The following MALRD1 variants were observed in gnomAD, a reference collection of about 807,000 sequenced individuals.
The protein encoded by MALRD1 is MAM and LDL-receptor class A domain-containing protein 1.
In MALRD1, 247 loss-of-function variants were observed where a neutral mutation model predicts 242.1. That is an observed-to-expected ratio of 1.02 (90% CI 0.92 to 1.13). The LOEUF (loss-of-function observed/expected upper bound fraction) is 1.13, where lower values mean the gene tolerates loss of function less well. Among genes scored for constraint, MALRD1 ranks in the 50% most tolerant of loss-of-function variants. The probability of loss-of-function intolerance (pLI) is 0.00; values close to 1 mark genes in which losing one functional copy is unlikely to be tolerated. For synonymous variants in MALRD1, 995 were observed against 866.6 expected, an observed-to-expected ratio of 1.15 and a Z score of -2.60; for missense variants, 2,989 against 2,533.1, an observed-to-expected ratio of 1.18 and a Z score of -3.86.
chr10:19,332,090 T>A (rs1457402947), intron 24 of MALRD1, among the ~76,000 whole-genome samples: 1 of 152,136 alleles, frequency 6.6e-6, no homozygotes, highest in African/African-American at 2.4e-5. Flanking sequence ...GGTCTTGATC[T>A]CTGGACCTCA....
intron 13 of MALRD1, among the ~76,000 whole-genome samples, chr10:19,169,872 G>A (rs1342599589): frequency 2.0e-5 from 3 of 152,102 alleles, no homozygotes; most frequent in East Asian, 1.9e-4. Context: ...TCAGTTCCAC[G>A]TGTCTAAGCT....
intron 26 of MALRD1, among the ~76,000 whole-genome samples, chr10:19,373,248 G>C (rs10734015): frequency 0.78 from 112,970 of 145,340 alleles, 44,507 homozygotes; most frequent in African/African-American, 0.88. Flanking sequence ...TGGCTCATGC[G>C]TGTAATCCCA....
chr10:19,243,795 C>G (rs1838916292), intron 18 of MALRD1, among the ~76,000 whole-genome samples: 2 of 152,092 alleles, frequency 1.3e-5, no homozygotes, highest in African/African-American at 2.4e-5. Context: ...AAGCTTGGGT[C>G]TGCTTCTTCA....
chr10:19,584,147 C>G (rs1386445488), intron 33 of MALRD1, among the ~76,000 whole-genome samples: 1 of 150,812 alleles, frequency 6.6e-6, no homozygotes, highest in Non-Finnish European at 1.5e-5. Context: ...AGCGGTCTAT[C>G]AATTTTGTTG....
At chr10:19,510,223 A>C (rs1833333371) in intron 31 of MALRD1, among the ~76,000 whole-genome samples, 1 of 152,200 alleles carries the variant, frequency 6.6e-6, no homozygotes, top group South Asian at 2.1e-4. Context: ...TGGAATATAC[A>C]ATCGAGTTTT....
intron 31 of MALRD1, among the ~76,000 whole-genome samples, chr10:19,502,764 A>G (rs1838033894): frequency 6.6e-6 from 1 of 152,224 alleles, no homozygotes; most frequent in Non-Finnish European, 1.5e-5. Flanking sequence ...TGAAAACTAC[A>G]GAGCATGTCT....
intron 36 of MALRD1, among the ~76,000 whole-genome samples, chr10:19,688,100 G>T (rs952351148): frequency 2.6e-5 from 4 of 152,022 alleles, no homozygotes; most frequent in Non-Finnish European, 5.9e-5. Context: ...CTCCCACGTC[G>T]CTGGGATTAC....
chr10:19,315,716 T>C (rs1315098888), intron 21 of MALRD1, among the ~76,000 whole-genome samples: 2 of 136,276 alleles, frequency 1.5e-5, no homozygotes, highest in Non-Finnish European at 3.1e-5. Context: ...TTTAATTATA[T>C]ATTGCATATT....
At chr10:19,317,849 ATC>A (rs934181543) in intron 21 of MALRD1, among the ~76,000 whole-genome samples, 6 of 152,030 alleles carry the variant, frequency 3.9e-5, no homozygotes, top group Non-Finnish European at 8.8e-5. Context: ...TATAAATCAG[ATC>A]TCTTTTTATG....
chr10:19,387,875 G>C, intron 27 of MALRD1, 102 bp downstream of exon 27: 1 of 1,373,326 alleles, frequency 7.3e-7, no homozygotes, highest in Non-Finnish European at 9.7e-7. Context: ...AGACCACCAC[G>C]ATGGTATTGC....
chr10:19,141,135 C>G (rs1254387347), intron 10 of MALRD1, among the ~76,000 whole-genome samples: 1 of 152,078 alleles, frequency 6.6e-6, no homozygotes, highest in Non-Finnish European at 1.5e-5. Flanking sequence ...AAATCTCTAT[C>G]AAAATAATTA....
chr10:19,189,457 T>C (rs888584929), intron 14 of MALRD1, among the ~76,000 whole-genome samples: 2 of 152,132 alleles, frequency 1.3e-5, no homozygotes, highest in African/African-American at 2.4e-5. Context: ...TTCTAACTTA[T>C]TCAATGAGGC....
chr10:19,318,309 C>T (rs562947067), intron 21 of MALRD1, among the ~76,000 whole-genome samples: 2 of 151,996 alleles, frequency 1.3e-5, no homozygotes, highest in South Asian at 2.1e-4. Context: ...TTGATAAAAA[C>T]ACAAATGCAG....
chr10:19,194,488 A>G (rs1173656957), intron 14 of MALRD1, among the ~76,000 whole-genome samples: 1 of 152,048 alleles, frequency 6.6e-6, no homozygotes, highest in Non-Finnish European at 1.5e-5. Context: ...CAGTTTCTAA[A>G]ATACAATTTC....
At chr10:19,095,941 T>G (rs10218990) in intron 4 of MALRD1, among the ~76,000 whole-genome samples, 82,395 of 151,922 alleles carry the variant, frequency 0.54, 22,498 homozygotes, top group Middle Eastern at 0.6. Flanking sequence ...TTCTTGCAGA[T>G]ATTTAATAAG....
chr10:19,563,064 C>T (rs1237481333), intron 32 of MALRD1, among the ~76,000 whole-genome samples: 1 of 152,116 alleles, frequency 6.6e-6, no homozygotes, highest in East Asian at 1.9e-4. Flanking sequence ...TCAATGATTT[C>T]CAGTTCCTTA....
intron 24 of MALRD1, among the ~76,000 whole-genome samples, chr10:19,345,766 T>TC (rs913562310): frequency 1.2e-4 from 18 of 151,706 alleles, no homozygotes; most frequent in Admixed American, 9.2e-4. Context: ...AGTAATCTTT[T>TC]TTTTTTTAGT....
intron 2 of MALRD1, among the ~76,000 whole-genome samples, chr10:19,074,186 T>C (rs1835246661): frequency 6.6e-6 from 1 of 152,136 alleles, no homozygotes. Context: ...TTTCTTCCTA[T>C]ACCCAAACTC....
chr10:19,260,050 G>GA (rs1438750134), intron 19 of MALRD1, among the ~76,000 whole-genome samples: 3 of 152,144 alleles, frequency 2.0e-5, no homozygotes, highest in African/African-American at 7.2e-5. Flanking sequence ...TGGATAAGTA[G>GA]GTAGAGGAAT....
Sources: allele counts gnomAD v4.1 joint callset (sites outside exome capture counted in the v4.1 genomes callset), GRCh38; gene constraint gnomAD v4.1.1; transcripts MANE v1.5; gene names NCBI Gene and HGNC (gene_info 2026-07-23, HGNC 2026-07-21).